The following UNC13C variants were observed in gnomAD, a reference collection of about 807,000 sequenced individuals.
UNC13C encodes protein unc-13 homolog C.
Under a neutral mutation model 245.4 loss-of-function variants are expected in UNC13C, and 174 were observed. That is an observed-to-expected ratio of 0.71 (90% CI 0.63 to 0.80). The LOEUF (loss-of-function observed/expected upper bound fraction) is 0.80, where lower values mean the gene tolerates loss of function less well. Ranked by LOEUF, UNC13C falls within the 30% of genes least tolerant of loss-of-function variation. UNC13C has a pLI of 0.00. For synonymous variants in UNC13C, 992 were observed against 895.1 expected, an observed-to-expected ratio of 1.11 and a Z score of -1.93; for missense variants, 2,829 against 2,602.9, an observed-to-expected ratio of 1.09 and a Z score of -1.89.
chr15:54,442,843 C>T (rs1173893216), intron 19 of UNC13C, among the ~76,000 whole-genome samples: 1 of 151,948 alleles, frequency 6.6e-6, no homozygotes, highest in Non-Finnish European at 1.5e-5. Flanking sequence ...ACTTTTGTAT[C>T]TATGTTCATC....
intron 19 of UNC13C, among the ~76,000 whole-genome samples, chr15:54,469,004 T>A (rs1596437534): frequency 1.3e-5 from 2 of 151,786 alleles, no homozygotes; most frequent in African/African-American, 4.8e-5. Flanking sequence ...GACATTTTGC[T>A]GAATCTATAG....
At chr15:53,906,964 C>A in the UNC13C span, among the ~76,000 whole-genome samples, 8 of 149,222 alleles carry the variant, frequency 5.4e-5, no homozygotes, top group Non-Finnish European at 1.0e-4. Flanking sequence ...CATGGGGGAA[C>A]CACCCTCATA....
chr15:54,093,762 A>G (rs974438240), intron 2 of UNC13C, among the ~76,000 whole-genome samples: 1 of 152,230 alleles, frequency 6.6e-6, no homozygotes, highest in Non-Finnish European at 1.5e-5. Context: ...CCGATGGAGA[A>G]AAGTCACATT....
At position 54,525,593 on chromosome 15, in the gene UNC13C, G is replaced by C. The variant is rs1195769257; in HGVS notation, c.5502G>C (p.Lys1834Asn). 7.4e-6 allele frequency: 12 copies of C among 1,612,964 alleles called. No homozygotes were observed. The highest frequency in any genetic ancestry group is 9.3e-6 in the Non-Finnish European group (11 of 1,179,608). Residue 1834 changes from lysine to asparagine, a missense_variant, in exon 25 of 33, where the codon AAG (lysine) becomes AAC (asparagine). By Grantham distance (94) the Lys-to-Asn change is moderately conservative. Coordinates refer to ENST00000260323, the MANE Select transcript of UNC13C (RefSeq NM_001080534.3). Reference sequence around the variant, plus strand: ...CTATTCTAAAAGAACTTCAGGTTAAGCTCAGTGGGGTCCTGGATGAGCTCA... The same window carrying C: ...CTATTCTAAAAGAACTTCAGGTTAACCTCAGTGGGGTCCTGGATGAGCTCA... ...ASTILKELQVKLSGVLDELSV... is the reference protein window; with the variant it reads ...ASTILKELQVNLSGVLDELSV...
chr15:54,184,816 A>T (rs570582248), intron 4 of UNC13C, among the ~76,000 whole-genome samples: 21 of 152,260 alleles, frequency 1.4e-4, no homozygotes, highest in Non-Finnish European at 2.6e-4. Context: ...TGGTATTTCT[A>T]GTTCTAGATC....
At position 54,014,887 on chromosome 15, in the gene UNC13C, C is replaced by T. The variant is rs1239945014; in HGVS notation, c.1984C>T (p.Gln662Ter). The T allele has an allele frequency of 6.2e-7, 1 of 1,613,858 alleles. No homozygotes were observed. The highest frequency in any genetic ancestry group is 8.5e-7 in the Non-Finnish European group (1 of 1,179,834). The change falls in exon 2 of 33, where the codon CAA becomes TAA. Residue 662 changes from glutamine to a stop codon, truncating the protein, a stop_gained. Coordinates refer to ENST00000260323, the MANE Select transcript of UNC13C (RefSeq NM_001080534.3). LOFTEE classifies it high-confidence loss of function. The stretch of plus-strand genomic sequence containing the variant: ...TCTTTCTCCATGGAAGGAATGGAAT[C>T]AAGGAGCTGATTTAGGCTTGGATTC... ...EDLSPWKEWNQGADLGLDSST... is the reference protein window; with the variant it reads ...EDLSPWKEWN
At chr15:54,226,237 C>T (rs773556338) in intron 4 of UNC13C, among the ~76,000 whole-genome samples, 1 of 152,176 alleles carries the variant, frequency 6.6e-6, no homozygotes, top group Non-Finnish European at 1.5e-5. Context: ...CATCAACGCT[C>T]ATCAGAGATA....
intron 29 of UNC13C, among the ~76,000 whole-genome samples, chr15:54,560,134 C>A (rs776286442): frequency 2.0e-5 from 3 of 151,878 alleles, no homozygotes; most frequent in African/African-American, 4.8e-5. Flanking sequence ...TCTAAGTCTG[C>A]AAAATGAGCT....
chr15:54,046,462 A>C (rs553586420), intron 2 of UNC13C, among the ~76,000 whole-genome samples: 3 of 152,118 alleles, frequency 2.0e-5, no homozygotes, highest in South Asian at 2.1e-4. Context: ...TTTAATTTGC[A>C]TTTATTTTAT....
At chr15:54,298,063 G>C (rs1268320245) in intron 12 of UNC13C, 137 bp downstream of exon 12, 1 of 627,612 alleles carries the variant, frequency 1.6e-6, no homozygotes, top group African/African-American at 1.9e-5. Context: ...TACAGCAGGT[G>C]ATATACTAAG....
At chr15:54,295,561 G>A (rs1257523912) in intron 11 of UNC13C, among the ~76,000 whole-genome samples, 1 of 151,948 alleles carries the variant, frequency 6.6e-6, no homozygotes. Context: ...TGAGGCAGGA[G>A]GATCACTCGA....
intron 26 of UNC13C, among the ~76,000 whole-genome samples, chr15:54,539,839 C>T (rs1248604828): frequency 3.3e-5 from 5 of 151,978 alleles, no homozygotes; most frequent in Non-Finnish European, 7.4e-5. Context: ...TGGGTTGACT[C>T]TTATTTTCAG....
At chr15:54,506,082 G>A (rs1436617873) in intron 22 of UNC13C, among the ~76,000 whole-genome samples, 2 of 152,184 alleles carry the variant, frequency 1.3e-5, no homozygotes, top group African/African-American at 2.4e-5. Flanking sequence ...GCTGTAGGAT[G>A]TAGGGGAAGC....
intron 13 of UNC13C, among the ~76,000 whole-genome samples, chr15:54,305,852 C>G (rs2037712337): frequency 6.6e-6 from 1 of 152,008 alleles, no homozygotes; most frequent in Non-Finnish European, 1.5e-5. Context: ...TGATCAAAAA[C>G]AGAAATCAAA....
chr15:54,341,615 A>G (rs2141010116), intron 17 of UNC13C, among the ~76,000 whole-genome samples: 1 of 151,958 alleles, frequency 6.6e-6, no homozygotes, highest in East Asian at 1.9e-4. Context: ...ATACAAAAAA[A>G]TATAGAAACC....
At chr15:53,876,424 G>A in the UNC13C span, among the ~76,000 whole-genome samples, 37 of 152,290 alleles carry the variant, frequency 2.4e-4, no homozygotes, top group African/African-American at 7.7e-4. Flanking sequence ...TGTAGAAATA[G>A]CAAGCAGGCC....
intron 13 of UNC13C, among the ~76,000 whole-genome samples, chr15:54,309,726 G>A (rs1331515567): frequency 2.6e-5 from 4 of 151,770 alleles, no homozygotes; most frequent in Non-Finnish European, 5.9e-5. Context: ...TCTGCATGTG[G>A]ACATCCAGTT....
the UNC13C span, among the ~76,000 whole-genome samples, chr15:53,959,907 G>T: frequency 6.6e-6 from 1 of 152,088 alleles, no homozygotes; most frequent in Admixed American, 6.6e-5. Flanking sequence ...TTTACAAATC[G>T]CATTTTAGAA....
intron 30 of UNC13C, among the ~76,000 whole-genome samples, chr15:54,585,162 TTGAAATGTGA>T (rs1262565701): frequency 2.0e-5 from 3 of 152,270 alleles, no homozygotes; most frequent in South Asian, 4.2e-4. Flanking sequence ...AAATCTCATG[TTGAAATGTGA>T]TCCTCAGTGT....
Sources: allele counts gnomAD v4.1 joint callset (sites outside exome capture counted in the v4.1 genomes callset), GRCh38; gene constraint gnomAD v4.1.1; transcripts MANE v1.5; gene names NCBI Gene and HGNC (gene_info 2026-07-23, HGNC 2026-07-21).